ESR1: variants seen among roughly 807,000 people sequenced by gnomAD.
ESR1 encodes the protein estrogen receptor 1, also known as estrogen receptor.
Under a neutral mutation model 52.7 loss-of-function variants are expected in ESR1, and 12 were observed. That is an observed-to-expected ratio of 0.23 (90% confidence interval 0.15 to 0.37). The LOEUF is 0.37. Among genes scored for constraint, ESR1 ranks in the 10% least tolerant of loss-of-function variants. The pLI is 1.00. For missense variants in ESR1, 584 were observed against 779.7 expected (o/e 0.75, Z 2.99); for synonymous variants, 305 against 316.8 (o/e 0.96, Z 0.39).
At chr6:151,882,005 T>C (rs539271281) in intron 3 of ESR1, among the ~76,000 whole-genome samples, 2 of 152,224 alleles carry the variant, frequency 1.3e-5, no homozygotes, top group South Asian at 4.1e-4. Flanking sequence ...TACCTGCTGA[T>C]TGTAATAGGG....
chr6:151,698,356 GA>G (rs1779522836), intron 1 of ESR1, among the ~76,000 whole-genome samples: 1 of 150,438 alleles, frequency 6.6e-6, no homozygotes, highest in Non-Finnish European at 1.5e-5. Flanking sequence ...CTGGGCAACA[GA>G]GCAAGATCTT....
chr6:152,014,120 C>G (rs1400751466), intron 5 of ESR1, among the ~76,000 whole-genome samples: 1 of 152,134 alleles, frequency 6.6e-6, no homozygotes, highest in Non-Finnish European at 1.5e-5. Context: ...AAAGATGTGA[C>G]TTTGCTCCTT....
intron 4 of ESR1, among the ~76,000 whole-genome samples, chr6:152,006,314 A>C (rs186800185): frequency 6.6e-6 from 1 of 152,100 alleles, no homozygotes; most frequent in African/African-American, 2.4e-5. Flanking sequence ...GTTATCGAAG[A>C]TATCTTAAAG....
At chr6:151,720,681 G>A (rs1210846740) in intron 2 of ESR1, among the ~76,000 whole-genome samples, 1 of 152,088 alleles carries the variant, frequency 6.6e-6, no homozygotes, top group African/African-American at 2.4e-5. Flanking sequence ...GGATACACTT[G>A]GAGAAGTGTT....
intron 3 of ESR1, among the ~76,000 whole-genome samples, chr6:151,907,299 C>T (rs753690235): frequency 1.3e-5 from 2 of 152,140 alleles, no homozygotes; most frequent in Middle Eastern, 3.4e-3. Context: ...GGAGGATTGA[C>T]ATCTTCATGA....
intron 3 of ESR1, among the ~76,000 whole-genome samples, chr6:151,936,844 A>G (rs2034425006): frequency 6.6e-6 from 1 of 152,212 alleles, no homozygotes; most frequent in Non-Finnish European, 1.5e-5. Flanking sequence ...TGTATAAGGT[A>G]GCACATCATA....
chr6:151,843,406 C>T (rs1784615349), intron 2 of ESR1, among the ~76,000 whole-genome samples: 1 of 152,124 alleles, frequency 6.6e-6, no homozygotes, highest in Admixed American at 6.6e-5. Flanking sequence ...TCCCGCCTGC[C>T]TCCATTGTTT....
chr6:151,805,956 T>C (rs561394661), upstream of ESR1: 20 of 152,346 alleles, frequency 1.3e-4, no homozygotes, highest in African/African-American at 4.3e-4. Flanking sequence ...GTCTCCTTTT[T>C]CTTTCAGGAC....
chr6:151,740,688 G>C (rs1337900503), intron 2 of ESR1, among the ~76,000 whole-genome samples: 1 of 151,816 alleles, frequency 6.6e-6, no homozygotes, highest in Non-Finnish European at 1.5e-5. Flanking sequence ...CTTGTTTCTG[G>C]CATGTGTGTG....
chr6:152,096,589 C>T (rs2050628907), intron 7 of ESR1: 7 of 453,952 alleles, frequency 1.5e-5, no homozygotes, highest in Non-Finnish European at 2.7e-5. Context: ...TGGCTCATGG[C>T]AGGCTTTTCC....
chr6:151,895,926 AT>A (rs1795422809), intron 3 of ESR1, among the ~76,000 whole-genome samples: 1 of 152,154 alleles, frequency 6.6e-6, no homozygotes, highest in Admixed American at 6.6e-5. Flanking sequence ...AGTCGCTAGG[AT>A]TACAGGCACC....
intron 7 of ESR1, among the ~76,000 whole-genome samples, chr6:152,095,030 G>C (rs2050498032): frequency 6.6e-6 from 1 of 152,018 alleles, no homozygotes; most frequent in Admixed American, 6.6e-5. Flanking sequence ...ACCCCTTCTT[G>C]TCACCCCCAT....
At chr6:151,954,432 C>A (rs149815846) in intron 4 of ESR1, among the ~76,000 whole-genome samples, 2 of 152,242 alleles carry the variant, frequency 1.3e-5, no homozygotes, top group Non-Finnish European at 2.9e-5. Context: ...AGTGTGATTG[C>A]TAAATGAAGG....
chr6:152,065,249 C>G (rs1378067433), intron 6 of ESR1, among the ~76,000 whole-genome samples: 1 of 152,170 alleles, frequency 6.6e-6, no homozygotes, highest in Non-Finnish European at 1.5e-5. Flanking sequence ...CAACATTTAT[C>G]TTGTGGATAA....
intron 4 of ESR1, among the ~76,000 whole-genome samples, chr6:151,986,160 C>T (rs957113915): frequency 3.3e-5 from 5 of 152,076 alleles, no homozygotes; most frequent in Admixed American, 3.3e-4. Flanking sequence ...CCTTCTTCAT[C>T]TTCATAACGG....
intron 6 of ESR1, among the ~76,000 whole-genome samples, chr6:152,117,690 G>C (rs2152515003): frequency 6.6e-6 from 1 of 152,264 alleles, no homozygotes; most frequent in East Asian, 1.9e-4. Flanking sequence ...CAACTGTCCA[G>C]CCCCCTTAGC....
At chr6:151,904,530 G>A (rs1056373402) in intron 3 of ESR1, among the ~76,000 whole-genome samples, 7 of 152,070 alleles carry the variant, frequency 4.6e-5, no homozygotes, top group African/African-American at 1.7e-4. Flanking sequence ...TAAATTATTA[G>A]TTGTAATATG....
rs190334244 is a variant in ESR1 at position 151,978,711 on chromosome 6, C to T, written c.1097-32945C>T. On this transcript the variant is annotated intron_variant, in intron 4 of 7. Coordinates refer to ENST00000206249, the MANE Select transcript of ESR1 (RefSeq NM_000125.4). ...TGAAAATGAGAAGCCAGTGGCACAC[C>T]TTCAATATGTTGGGAGAATATAATT... Among the ~76,000 whole-genome samples the T allele has an allele frequency of 1.1e-3, 170 of 152,124 alleles. 2 individuals are homozygous for T. The highest frequency in any genetic ancestry group is 5.3e-4 in the Non-Finnish European group (36 of 68,002).
At chr6:151,735,663 C>T (rs1452741087) in intron 2 of ESR1, among the ~76,000 whole-genome samples, 1 of 151,974 alleles carries the variant, frequency 6.6e-6, no homozygotes, top group Non-Finnish European at 1.5e-5. Context: ...GTTTACCCAT[C>T]ACTCGAGTAG....
Sources: allele counts gnomAD v4.1 joint callset (sites outside exome capture counted in the v4.1 genomes callset), GRCh38; gene constraint gnomAD v4.1.1; transcripts MANE v1.5; gene names NCBI Gene and HGNC (gene_info 2026-07-23, HGNC 2026-07-21).